Variants in PTPRQ observed in about 807,000 individuals in gnomAD.
PTPRQ encodes phosphatidylinositol phosphatase PTPRQ.
In PTPRQ, 199 loss-of-function variants were observed where a neutral mutation model predicts 246.0. The observed-to-expected ratio is 0.81, with a 90% CI of 0.72 to 0.91. The LOEUF is 0.91. Ranked by LOEUF, PTPRQ falls within the 40% of genes least tolerant of loss-of-function variation. The pLI, the probability that PTPRQ is intolerant of heterozygous loss-of-function variation, is 0.00. For synonymous variants in PTPRQ, 869 were observed against 853.2 expected, an observed-to-expected ratio of 1.02 and a Z score of -0.32; for missense variants, 2,624 against 2,528.4, an observed-to-expected ratio of 1.04 and a Z score of -0.81.
intron 14 of PTPRQ, among the ~76,000 whole-genome samples, chr12:80,503,095 T>C (rs948735721): frequency 6.6e-6 from 1 of 151,222 alleles, no homozygotes; most frequent in Admixed American, 6.6e-5. Flanking sequence ...AAAAAAGGAG[T>C]AATAAATGCA....
chr12:80,517,438 A>C (rs960704356), intron 17 of PTPRQ, among the ~76,000 whole-genome samples: 1 of 152,160 alleles, frequency 6.6e-6, no homozygotes, highest in Non-Finnish European at 1.5e-5. Flanking sequence ...ACAAGCGTGT[A>C]ACAAGTAATA....
chr12:80,585,826 G>T (rs2121009302), intron 25 of PTPRQ, among the ~76,000 whole-genome samples: 1 of 150,024 alleles, frequency 6.7e-6, no homozygotes, highest in Non-Finnish European at 1.5e-5. Context: ...CTGGTGCGCT[G>T]CACCCACTAA....
At chr12:80,529,663 A>T (rs963526006) in intron 17 of PTPRQ, among the ~76,000 whole-genome samples, 1 of 151,930 alleles carries the variant, frequency 6.6e-6, no homozygotes. Flanking sequence ...AAAATGTGGT[A>T]TGTCTTTTGA....
chr12:80,654,330 C>T (rs1031536638), intron 38 of PTPRQ, among the ~76,000 whole-genome samples: 2 of 152,124 alleles, frequency 1.3e-5, no homozygotes, highest in Admixed American at 1.3e-4. Flanking sequence ...AAGACCAGGA[C>T]ATTTTTCAAC....
intron 19 of PTPRQ, among the ~76,000 whole-genome samples, chr12:80,538,288 A>G (rs577995543): frequency 7.0e-4 from 107 of 152,358 alleles, no homozygotes; most frequent in African/African-American, 2.5e-3. Flanking sequence ...CATCTGGATA[A>G]TTGATTTAAT....
intron 17 of PTPRQ, among the ~76,000 whole-genome samples, chr12:80,528,243 G>C (rs1315742872): frequency 6.6e-6 from 1 of 152,118 alleles, no homozygotes; most frequent in Non-Finnish European, 1.5e-5. Context: ...TTAAAGGAGA[G>C]AAACGGGTAG....
chr12:80,526,532 T>G (rs1232255841), intron 17 of PTPRQ, among the ~76,000 whole-genome samples: 1 of 152,126 alleles, frequency 6.6e-6, no homozygotes, highest in Non-Finnish European at 1.5e-5. Flanking sequence ...CTGTAGCTTC[T>G]GCTTGATCAA....
At chr12:80,658,783 T>C (rs1341203950) in intron 39 of PTPRQ, among the ~76,000 whole-genome samples, 1 of 152,082 alleles carries the variant, frequency 6.6e-6, no homozygotes, top group Non-Finnish European at 1.5e-5. Flanking sequence ...ATCTTCATTA[T>C]GGTGAATCTA....
At chr12:80,645,520 G>A (rs1472183663) in intron 35 of PTPRQ, among the ~76,000 whole-genome samples, 2 of 150,980 alleles carry the variant, frequency 1.3e-5, no homozygotes, top group South Asian at 2.1e-4. Flanking sequence ...TGTTTACTGT[G>A]AATAATGTTA....
intron 3 of PTPRQ, among the ~76,000 whole-genome samples, chr12:80,453,325 C>T (rs1355746838): frequency 6.6e-6 from 1 of 152,190 alleles, no homozygotes; most frequent in African/African-American, 2.4e-5. Context: ...CCTCCTGTAG[C>T]TCGGAGTAGT....
chr12:80,533,506 G>C (rs186754285), intron 17 of PTPRQ, among the ~76,000 whole-genome samples: 12 of 151,964 alleles, frequency 7.9e-5, no homozygotes, highest in Admixed American at 2.6e-4. Flanking sequence ...AACTATAGGA[G>C]AGCCCACAGC....
Position 80,669,053 on chromosome 12 carries a change from C to T in PTPRQ, c.6239C>T (p.Pro2080Leu). The change falls in exon 40 of 45, where the codon CCA becomes CTA. Residue 2080 changes from proline (P) to leucine (L), a missense_variant. Physicochemically the swap from Pro to Leu is moderately conservative, Grantham distance 98. Transcript: ENST00000644991. ...NEFIATQGPL[P>L]GTVGDFWRMV... ...TTTATTGCTACTCAAGGTCCACTAC[C>T]AGGAACAGTTGGAGATTTTTGGAGA... The T allele has an allele frequency of 6.4e-7, 1 of 1,550,394 alleles. No individual in the cohort carries two copies.
Position 80,613,583 on chromosome 12 carries a change from T to C in PTPRQ, c.4919-9T>C. 1 of 1,498,558 alleles carries C rather than the reference T, an allele frequency of 6.7e-7. No homozygotes were observed. The highest frequency in any genetic ancestry group is 1.4e-5 in the South Asian group (1 of 73,146). 92.8% of individuals were successfully genotyped at this position (1,498,558 alleles called of 1,614,324 possible). Reference sequence around the variant, plus strand: ...TTTTAAAAATTAATTGTTAAATATTTTATTTTAGCCCCAAAGGACCCACCT... The same window carrying C: ...TTTTAAAAATTAATTGTTAAATATTCTATTTTAGCCCCAAAGGACCCACCT... On this transcript the variant is annotated splice_polypyrimidine_tract_variant and intron_variant, in intron 28 of 44. Coordinates refer to ENST00000644991, the MANE Select transcript of PTPRQ (RefSeq NM_001145026.2).
At chr12:80,649,054 T>A in intron 36 of PTPRQ, 131 bp downstream of exon 36, 2 of 848,210 alleles carry the variant, frequency 2.4e-6, no homozygotes, top group South Asian at 6.2e-5. Context: ...ATATAAATCA[T>A]AAAAGCATGA....
intron 43 of PTPRQ, among the ~76,000 whole-genome samples, chr12:80,675,820 T>C (rs1319885615): frequency 6.6e-6 from 1 of 152,208 alleles, no homozygotes; most frequent in Non-Finnish European, 1.5e-5. Flanking sequence ...GTTTTTGAAG[T>C]CAGAGAACTA....
chr12:80,444,861 T>G lies in PTPRQ; in HGVS notation c.163+12T>G, dbSNP rs1470746230. 2.0e-6 allele frequency: 3 copies of G among 1,509,274 alleles called. No individual in the cohort carries two copies. Among genetic ancestry groups the G allele is most frequent in the Middle Eastern group, 2.0e-4 (1 of 4,880 alleles). The allele number at this position is 1,509,274 out of a possible 1,614,324, so 93.5% of individuals were successfully genotyped here. A position where few individuals can be genotyped will look rare whatever the true frequency, so the allele number is the denominator to read the frequency against. On this transcript the variant is annotated intron_variant, in intron 2 of 44. Coordinates refer to ENST00000644991, the MANE Select transcript of PTPRQ (RefSeq NM_001145026.2). ...AACAAATGTAACAAGTGAGTATATG[T>G]TTTAAATTACTTTGTAAGTAAAGTA...
chr12:80,618,635 A>G (rs1898858412), intron 30 of PTPRQ, among the ~76,000 whole-genome samples: 1 of 151,566 alleles, frequency 6.6e-6, no homozygotes, highest in Non-Finnish European at 1.5e-5. Context: ...AACAAAGCTA[A>G]TTATTGTAAA....
In PTPRQ at chr12:80,534,090, A is replaced by G. The variant is rs1248127340; in HGVS notation, c.2754A>G (p.Glu918=). 30 of 1,541,604 alleles carry G rather than the reference A, an allele frequency of 1.9e-5. No individual in the cohort carries two copies. The Admixed American group carries it at 3.5e-4, about 18-fold the overall frequency. ...TATCAGATTTGGATTATAATGTTGA[A>G]TACAGTGCTTATGTAACAGCTAGCA... ...LELSDLDYNV[E]YSAYVTASTR... The change falls in exon 18 of 45, where the codon GAA becomes GAG. Residue 918 remains glutamate (E), a synonymous_variant. Transcript: ENST00000644991.
intron 3 of PTPRQ, among the ~76,000 whole-genome samples, chr12:80,455,528 C>T (rs1312633009): frequency 1.3e-5 from 2 of 151,764 alleles, no homozygotes; most frequent in Non-Finnish European, 2.9e-5. Context: ...TTACTTTCAA[C>T]AAATATTTCT....
Sources: allele counts gnomAD v4.1 joint callset (sites outside exome capture counted in the v4.1 genomes callset), GRCh38; gene constraint gnomAD v4.1.1; transcripts MANE v1.5; gene names NCBI Gene and HGNC (gene_info 2026-07-23, HGNC 2026-07-21).